The following DNAJB1 variants were observed in gnomAD, a reference collection of about 807,000 sequenced individuals.
The protein encoded by DNAJB1 is DnaJ heat shock protein family (Hsp40) member B1.
In DNAJB1, 14 loss-of-function variants were observed where a neutral mutation model predicts 24.0. The observed-to-expected ratio is 0.58, with a 90% CI of 0.39 to 0.91. DNAJB1 has a LOEUF of 0.91. Among genes scored for constraint, DNAJB1 ranks in the 40% least tolerant of loss-of-function variants. The pLI is 0.00. For missense variants in DNAJB1, 517 were observed against 458.1 expected, an observed-to-expected ratio of 1.13 and a Z score of -1.17; for synonymous variants, 262 against 174.4, an observed-to-expected ratio of 1.50 and a Z score of -3.96.
chr19:14,529,157 C>T, intron 1 of DNAJB1: 1 of 193,708 alleles, frequency 5.2e-6, no homozygotes. Flanking sequence ...AGCCCGCGAC[C>T]CCAGCCCCTA....
chr19:14,518,379 G>C lies in DNAJB1; in HGVS notation c.-30C>G. 6.6e-7 allele frequency: 1 copy of C among 1,525,806 alleles called. No individual in the cohort carries two copies. Among genetic ancestry groups the C allele is most frequent in the South Asian group, 1.3e-5 (1 of 79,834 alleles). 94.5% of individuals were successfully genotyped at this position (1,525,806 alleles called of 1,614,324 possible). On this transcript the variant is annotated 5_prime_UTR_variant, in exon 1 of 3. Coordinates refer to ENST00000254322, the MANE Select transcript of DNAJB1 (RefSeq NM_006145.3). ...CCCTCCTGCGGCCCGCCGACCCGCT[G>C]TCGCCGTCCCCCGGCTCCGCCGCCG...
At chr19:14,546,283 G>A (rs1483485686) in intron 1 of DNAJB1, among the ~76,000 whole-genome samples, 1 of 140,908 alleles carries the variant, frequency 7.1e-6, no homozygotes, top group Non-Finnish European at 1.6e-5. Flanking sequence ...TTTTTTTTTT[G>A]CTCTGAGAAA....
At chr19:14,519,283 A>G (rs2072335375), upstream of DNAJB1, among the ~76,000 whole-genome samples, 1 of 152,200 alleles carries the variant, frequency 6.6e-6, no homozygotes, top group Non-Finnish European at 1.5e-5. Flanking sequence ...GCCTGAGAAT[A>G]GCTTGAATCG....
chr19:14,548,586 T>G (rs1048256359), intron 1 of DNAJB1, among the ~76,000 whole-genome samples: 1 of 152,148 alleles, frequency 6.6e-6, no homozygotes, highest in Non-Finnish European at 1.5e-5. Context: ...CGTCTCTTTT[T>G]TTTCTTTTAG....
At chr19:14,527,204 G>A (rs180735771) in intron 2 of DNAJB1, among the ~76,000 whole-genome samples, 32 of 55,936 alleles carry the variant, frequency 5.7e-4, no homozygotes, top group African/African-American at 2.3e-3. Flanking sequence ...TTTTTGAGAC[G>A]GAGTTTCATT....
At chr19:14,540,347 C>T (rs1242717409) in intron 1 of DNAJB1, among the ~76,000 whole-genome samples, 3 of 151,872 alleles carry the variant, frequency 2.0e-5, no homozygotes, top group East Asian at 1.9e-4. Flanking sequence ...GGATTACAGG[C>T]GTGAGCCACT....
At position 14,526,235 on chromosome 19, in the gene DNAJB1, C is replaced by T. The variant is rs566928843; in HGVS notation, c.-90+1491G>A. Among the ~76,000 whole-genome samples the T allele has an allele frequency of 3.7e-4, 57 of 152,314 alleles. 1 individual carries two copies. The South Asian group carries it at 9.3e-3, about 25-fold the overall frequency. ...GAGCTAGTTACCATCAGCTCAACAA[C>T]GACCCAACAGATCTACCAGTCACCA... On this transcript the variant is annotated intron_variant, in intron 2 of 3. Transcript: ENST00000396969.
Position 14,516,426 on chromosome 19 carries a change from CCATCGCCCTCTACAGACACCG to C in DNAJB1, c.792+19_792+39del, listed in dbSNP as rs758194453. On this transcript the variant is annotated intron_variant, in intron 2 of 2. Transcript: ENST00000254322. ...AATACTAAACTGCTTCAAAAAGCAG[CCATCGCCCTCTACAGACACCG>C]CCCCACCTGGCACCTTACCTCCCGG... The C allele has an allele frequency of 6.3e-6, 10 of 1,582,368 alleles. No homozygotes were observed. The East Asian group carries it at 2.0e-4, about 32-fold the overall frequency.
Position 14,559,039 on chromosome 19 carries a change from G to A in DNAJB1, c.-2166+992C>T, listed in dbSNP as rs923599592. Among the ~76,000 whole-genome samples the A allele has an allele frequency of 1.7e-4, 26 of 152,152 alleles. 1 individual carries two copies. Among genetic ancestry groups the A allele is most frequent in the Non-Finnish European group, 1.9e-4 (13 of 68,024 alleles). Reference sequence around the variant, plus strand: ...TTGGGGTGGCAGTGGGGTGTGGGGCGCGGAGCCCTCGATGAGGTCTCACAT... The same window carrying A: ...TTGGGGTGGCAGTGGGGTGTGGGGCACGGAGCCCTCGATGAGGTCTCACAT... On this transcript the variant is annotated intron_variant, in intron 1 of 5. Coordinates refer to the DNAJB1 transcript ENST00000679223.
chr19:14,532,478 A>G (rs1165438577), upstream of DNAJB1: 1 of 139,566 alleles, frequency 7.2e-6, no homozygotes, highest in Non-Finnish European at 1.5e-5. Flanking sequence ...ATGCCACTGT[A>G]CTCCAGCCTG....
chr19:14,519,696 C>T (rs960855370), upstream of DNAJB1, among the ~76,000 whole-genome samples: 1 of 152,194 alleles, frequency 6.6e-6, no homozygotes, highest in African/African-American at 2.4e-5. Context: ...GCCTGGAACG[C>T]AGTGAGAACC....
chr19:14,559,508 C>T (rs941379178), intron 1 of DNAJB1, among the ~76,000 whole-genome samples: 27 of 151,848 alleles, frequency 1.8e-4, no homozygotes, highest in African/African-American at 6.6e-4. Flanking sequence ...TAATTATAGG[C>T]CGGGCCAGGT....
At chr19:14,518,858 C>T (rs1190207572), upstream of DNAJB1, among the ~76,000 whole-genome samples, 1 of 152,248 alleles carries the variant, frequency 6.6e-6, no homozygotes, top group Non-Finnish European at 1.5e-5. Context: ...CGGTGGGCTC[C>T]CGCCCGGTGA....
chr19:14,535,756 CAAA>C (rs1161257175), intron 1 of DNAJB1, among the ~76,000 whole-genome samples: 2 of 51,940 alleles, frequency 3.9e-5, no homozygotes, highest in African/African-American at 8.1e-5. Context: ...GACTCTGTCT[CAAA>C]AAAAAAAAAA....
chr19:14,517,201 G>A, intron 1 of DNAJB1, 155 bp from the exon 2 acceptor site: 2 of 685,130 alleles, frequency 2.9e-6, no homozygotes, highest in Non-Finnish European at 2.4e-6. Flanking sequence ...ACCTCTCACT[G>A]CCAACAGCAG....
intron 1 of DNAJB1, among the ~76,000 whole-genome samples, chr19:14,543,685 G>A (rs1356976591): frequency 6.7e-6 from 1 of 149,570 alleles, no homozygotes; most frequent in Non-Finnish European, 1.5e-5. Flanking sequence ...TGATCCTCCC[G>A]CCTCGGCCTC....
chr19:14,529,634 T>G, upstream of DNAJB1: 1 of 1,613,064 alleles, frequency 6.2e-7, no homozygotes, highest in Non-Finnish European at 8.5e-7. Flanking sequence ...GTAGGGAGCC[T>G]GTGCTGTGCC....
chr19:14,551,118 C>CT (rs1345549960), upstream of DNAJB1, among the ~76,000 whole-genome samples: 2 of 152,014 alleles, frequency 1.3e-5, no homozygotes, highest in East Asian at 3.9e-4. Context: ...GTCACCCAGG[C>CT]TGGAGTGCAG....
intron 1 of DNAJB1, among the ~76,000 whole-genome samples, chr19:14,538,223 T>G (rs2072973636): frequency 6.6e-6 from 1 of 152,136 alleles, no homozygotes; most frequent in Non-Finnish European, 1.5e-5. Flanking sequence ...GGCTTTGCTG[T>G]GGGTCGTGCA....
Sources: allele counts gnomAD v4.1 joint callset (sites outside exome capture counted in the v4.1 genomes callset), GRCh38; gene constraint gnomAD v4.1.1; transcripts MANE v1.5; gene names NCBI Gene and HGNC (gene_info 2026-07-23, HGNC 2026-07-21).